The following PCDHA2 variants were observed in gnomAD, a reference collection of about 807,000 sequenced individuals.
PCDHA2 encodes the protein protocadherin alpha-2.
PCDHA2 carries 58 observed loss-of-function variants against 66.0 expected under a neutral mutation model. The ratio of observed to expected loss-of-function variants is 0.88; its 90% CI spans 0.71 to 1.09. The LOEUF is 1.09. Ranked by LOEUF, PCDHA2 falls within the 50% of genes least tolerant of loss-of-function variation. The pLI is 0.00. For synonymous variants in PCDHA2, 634 were observed against 554.0 expected (o/e 1.14, Z -2.03); for missense variants, 1,267 against 1,242.3 (o/e 1.02, Z -0.30).
rs1197189729 is a variant in PCDHA2, at chr5:141,011,926, G to A, written c.*1989G>A. On this transcript the variant is annotated 3_prime_UTR_variant, in exon 4 of 4. Transcript: ENST00000526136. ...TTAGGCATTAATATAAAAGAGGTAG[G>A]AGTCTGTTATTTAAAAAAAGCATTA... 1 of 153,498 alleles carries A rather than the reference G, an allele frequency of 6.5e-6. No individual in the cohort carries two copies. Among genetic ancestry groups the A allele is most frequent in the African/African-American group, 2.4e-5 (1 of 41,380 alleles). 9.5% of individuals were successfully genotyped at this position (153,498 alleles called of 1,614,324 possible).
chr5:140,975,861 T>G (rs782026072), intron 1 of PCDHA2, among the ~76,000 whole-genome samples: 8 of 152,192 alleles, frequency 5.3e-5, no homozygotes, highest in Non-Finnish European at 8.8e-5. Flanking sequence ...ATCACCCATA[T>G]GGACTACCTA....
chr5:140,829,681 G>C (rs2150172454), intron 1 of PCDHA2: 1 of 1,613,236 alleles, frequency 6.2e-7, no homozygotes, highest in Non-Finnish European at 8.5e-7. Flanking sequence ...AGCTAGAGCT[G>C]CTGCAGTTTC....
intron 1 of PCDHA2, among the ~76,000 whole-genome samples, chr5:140,931,210 G>A (rs1326851548): frequency 6.6e-6 from 1 of 152,064 alleles, no homozygotes; most frequent in African/African-American, 2.4e-5. Flanking sequence ...TAGTATTTCA[G>A]GTATCAGAGC....
In PCDHA2 at chr5:140,850,593, C is replaced by G. The variant is rs2150490576; in HGVS notation, c.2388+53241C>G. The stretch of plus-strand genomic sequence containing the variant: ...GACGCTGGTGGATGTCAACGTGTAC[C>G]TGATCATCGCCATCTGCGCGGTGTC... On this transcript the variant is annotated intron_variant, in intron 1 of 3. Coordinates refer to ENST00000526136, the MANE Select transcript of PCDHA2 (RefSeq NM_018905.3). 25 of 1,598,524 alleles carry G rather than the reference C, an allele frequency of 1.6e-5. 1 individual carries two copies. The highest frequency in any genetic ancestry group is 5.5e-5 in the South Asian group (5 of 90,556).
At chr5:140,839,997 G>A (rs2150302530) in intron 1 of PCDHA2, among the ~76,000 whole-genome samples, 10 of 152,064 alleles carry the variant, frequency 6.6e-5, no homozygotes, top group Non-Finnish European at 1.5e-4. Context: ...GTTAGCCTTA[G>A]CACTGAGAAG....
chr5:140,855,778 TA>T, intron 1 of PCDHA2: 2 of 407,848 alleles, frequency 4.9e-6, no homozygotes, highest in Non-Finnish European at 8.8e-6. Context: ...TAAAAATACG[TA>T]AAAAAAGAAT....
chr5:140,853,929 G>GATTGC, intron 1 of PCDHA2: 1 of 896,830 alleles, frequency 1.1e-6, no homozygotes, highest in Non-Finnish European at 1.4e-6. Context: ...AACATTTTGG[G>GATTGC]AGGCCAAGGT....
At chr5:140,872,485 G>A (rs978511800) in intron 1 of PCDHA2, among the ~76,000 whole-genome samples, 1 of 152,080 alleles carries the variant, frequency 6.6e-6, no homozygotes, top group Non-Finnish European at 1.5e-5. Flanking sequence ...AAATTAGCCA[G>A]ACCTAGTGGT....
At chr5:140,860,385 A>T (rs2046366779) in intron 1 of PCDHA2, 1 of 152,142 alleles carries the variant, frequency 6.6e-6, no homozygotes, top group African/African-American at 2.4e-5. Flanking sequence ...TATTTCAAAA[A>T]TTGAAAAAAG....
At chr5:140,813,358 CT>C (rs1554126173) in intron 1 of PCDHA2, 1 of 152,170 alleles carries the variant, frequency 6.6e-6, no homozygotes, top group Non-Finnish European at 1.5e-5. Flanking sequence ...ATAGTATAGC[CT>C]ACTACAGACC....
At chr5:140,909,582 T>G (rs1407869706) in intron 1 of PCDHA2, among the ~76,000 whole-genome samples, 1 of 152,298 alleles carries the variant, frequency 6.6e-6, no homozygotes, top group Non-Finnish European at 1.5e-5. Flanking sequence ...TGTGATATGT[T>G]TTTTGATTTA....
chr5:140,928,522 T>G lies in PCDHA2; in HGVS notation c.2389-50427T>G, dbSNP rs373009645. The G allele has an allele frequency of 4.3e-6, 7 of 1,614,150 alleles. No homozygotes were observed. Among genetic ancestry groups the G allele is most frequent in the African/African-American group, 1.3e-5 (1 of 75,032 alleles). On this transcript the variant is annotated intron_variant, in intron 1 of 3. Coordinates refer to ENST00000526136, the MANE Select transcript of PCDHA2 (RefSeq NM_018905.3). ...AAGTGCAACAGTGACTATAAACTTG[T>G]TTGTGGTAGATAGGAATGACAATTA...
At chr5:140,919,012 C>T (rs1411489160) in intron 1 of PCDHA2, among the ~76,000 whole-genome samples, 1 of 152,164 alleles carries the variant, frequency 6.6e-6, no homozygotes, top group Non-Finnish European at 1.5e-5. Flanking sequence ...CTTTCATTTC[C>T]TAGTGATCTT....
rs911070094 is a variant in PCDHA2, at chr5:141,009,570, G to A, written c.2537-57G>A. On this transcript the variant is annotated intron_variant, in intron 3 of 3. Coordinates refer to ENST00000526136, the MANE Select transcript of PCDHA2 (RefSeq NM_018905.3). ...AGTACTCCTGTACTCTACCAGCAGT[G>A]TGGCATCAAGAGCATGTGTTGACCC... The A allele has an allele frequency of 1.9e-6, 3 of 1,577,968 alleles. No homozygotes were observed. In the Admixed American group the frequency reaches 5.2e-5, roughly 28 times the overall value.
intron 1 of PCDHA2, chr5:140,823,494 CG>C (rs1374897060): frequency 6.2e-7 from 1 of 1,613,266 alleles, no homozygotes; most frequent in African/African-American, 1.3e-5. Context: ...GTGGCACCGG[CG>C]GCGCAGTGAG....
At position 140,928,086 on chromosome 5, in the gene PCDHA2, G is replaced by A. The variant is rs17844363; in HGVS notation, c.2389-50863G>A. The A allele has an allele frequency of 1.9e-4, 304 of 1,614,206 alleles. No homozygotes were observed. The East Asian group carries it at 3.7e-3, about 20-fold the overall frequency. On this transcript the variant is annotated intron_variant, in intron 1 of 3. Transcript: ENST00000526136. ...CCTTTGACAACTACTACAGCCTGCT[G>A]ATTGATGGGCCCCTGGACCGGGAGC...
intron 1 of PCDHA2, chr5:140,968,646 C>T (rs2153772882): frequency 6.2e-7 from 1 of 1,614,216 alleles, no homozygotes; most frequent in Non-Finnish European, 8.5e-7. Context: ...CTAGCCCAGA[C>T]TTCTGACCTG....
At chr5:140,808,215 A>T in intron 1 of PCDHA2, 1 of 1,614,260 alleles carries the variant, frequency 6.2e-7, no homozygotes, top group Non-Finnish European at 8.5e-7. Flanking sequence ...GTAGAAGACA[A>T]CAACGATAAT....
At chr5:140,818,706 T>G (rs2150102140) in intron 1 of PCDHA2, among the ~76,000 whole-genome samples, 14 of 152,140 alleles carry the variant, frequency 9.2e-5, no homozygotes, top group African/African-American at 2.7e-4. Flanking sequence ...GATGTGGTGG[T>G]GCACACCTGT....
Sources: allele counts gnomAD v4.1 joint callset (sites outside exome capture counted in the v4.1 genomes callset), GRCh38; gene constraint gnomAD v4.1.1; transcripts MANE v1.5; gene names NCBI Gene and HGNC (gene_info 2026-07-23, HGNC 2026-07-21).